Variants in ENPEP observed in about 807,000 individuals in gnomAD.
ENPEP encodes the protein glutamyl aminopeptidase.
In ENPEP, 103 loss-of-function variants were observed where a neutral mutation model predicts 114.5. That is an observed-to-expected ratio of 0.90 (90% confidence interval 0.77 to 1.06). The LOEUF is 1.06. ENPEP is among the 50% of genes least tolerant of loss of function. The probability of loss-of-function intolerance (pLI) is 0.00; values close to 1 mark genes in which losing one functional copy is unlikely to be tolerated. For missense variants in ENPEP, 1,196 were observed against 1,161.3 expected (o/e 1.03, Z -0.43); for synonymous variants, 420 against 422.0 (o/e 1.00, Z 0.06).
intron 3 of ENPEP, among the ~76,000 whole-genome samples, chr4:110,499,664 A>T (rs1411853388): frequency 6.6e-6 from 1 of 152,220 alleles, no homozygotes; most frequent in Non-Finnish European, 1.5e-5. Context: ...ATACTTCTGC[A>T]GCAATTTTTT....
chr4:110,517,082 T>C (rs1374972905), intron 8 of ENPEP, among the ~76,000 whole-genome samples: 1 of 152,108 alleles, frequency 6.6e-6, no homozygotes, highest in East Asian at 1.9e-4. Flanking sequence ...TAGCTGGAAT[T>C]ACAGGCACCA....
intron 12 of ENPEP, 30 bp from the exon 13 acceptor site, chr4:110,542,985 G>A: frequency 6.2e-7 from 1 of 1,612,086 alleles, no homozygotes. Flanking sequence ...TAAGAATTGT[G>A]TTTTTATCTC....
At chr4:110,539,685 C>T (rs753274318) in intron 11 of ENPEP, among the ~76,000 whole-genome samples, 15 of 152,008 alleles carry the variant, frequency 9.9e-5, no homozygotes, top group Non-Finnish European at 1.6e-4. Flanking sequence ...TCACCGTGCC[C>T]GGCCTCAGCT....
Position 110,542,758 on chromosome 4 carries a change from T to C in ENPEP, c.1815T>C (p.Thr605=). ...GTTTATTTACTACTACAGGAATCAC[T>C]TTGAACTCCTCTAATCCTAGTGGAA... ...LFNRSEKEGI[T]LNSSNPSGNA... is the part of the protein sequence containing the mutation. Residue 605 remains threonine (T), a synonymous_variant, in exon 12 of 20, where the codon ACT becomes ACC. Transcript: ENST00000265162. 1 of 1,612,040 alleles carries C rather than the reference T, an allele frequency of 6.2e-7. No homozygotes were observed. The highest frequency in any genetic ancestry group is 2.2e-5 in the East Asian group (1 of 44,836).
intron 18 of ENPEP, among the ~76,000 whole-genome samples, chr4:110,556,997 T>C (rs1054276233): frequency 2.6e-5 from 4 of 152,190 alleles, no homozygotes; most frequent in African/African-American, 9.7e-5. Flanking sequence ...ATGTATACTT[T>C]ATTATACGTA....
At position 110,564,960 on chromosome 4, in the gene ENPEP, A is replaced by G. The variant is rs1415308376; in HGVS notation, c.*3402A>G. Reference sequence around the variant, plus strand: ...CAGCACAGAGTACACATGTGCTGTAAATGAGAAATACCCCTTTGTTATTGT... The same window carrying G: ...CAGCACAGAGTACACATGTGCTGTAGATGAGAAATACCCCTTTGTTATTGT... On this transcript the variant is annotated 3_prime_UTR_variant, in exon 20 of 20. Transcript: ENST00000265162. 6.6e-6 allele frequency: 1 copy of G among 152,228 alleles called. No individual in the cohort carries two copies. Among genetic ancestry groups the G allele is most frequent in the Non-Finnish European group, 1.5e-5 (1 of 68,050 alleles). The allele number at this position is 152,228 out of a possible 1,614,324, so 9.4% of individuals were successfully genotyped here.
chr4:110,484,858 G>A (rs1298741430), intron 1 of ENPEP, among the ~76,000 whole-genome samples: 2 of 151,290 alleles, frequency 1.3e-5, no homozygotes, highest in African/African-American at 2.4e-5. Context: ...GCTTAGGAAA[G>A]TGTAATTCCA....
rs1263451725 is a variant in ENPEP, at chr4:110,509,771, G to T, written c.1158G>T (p.Arg386Ser). The change falls in exon 5 of 20, where the codon AGG (arginine) becomes AGT (serine). Residue 386 changes from arginine to serine, a missense_variant. Coordinates refer to ENST00000265162, the MANE Select transcript of ENPEP (RefSeq NM_001977.4). ...PKESASSNQQ[R>S]VATVVAHELV... ...AATCAGCCTCATCAAACCAACAGAG[G>T]GTGGCCACTGTGGTTGCCCATGAAC... 6.2e-7 allele frequency: 1 copy of T among 1,614,018 alleles called. No individual in the cohort carries two copies. Among genetic ancestry groups the T allele is most frequent in the Admixed American group, 1.7e-5 (1 of 59,976 alleles).
chr4:110,529,790 G>A (rs115214049), intron 10 of ENPEP, among the ~76,000 whole-genome samples: 1 of 152,110 alleles, frequency 6.6e-6, no homozygotes, highest in South Asian at 2.1e-4. Flanking sequence ...AATGACAAAG[G>A]GGGCCGGGCA....
At chr4:110,543,929 G>A (rs1726949409) in intron 13 of ENPEP, among the ~76,000 whole-genome samples, 1 of 151,956 alleles carries the variant, frequency 6.6e-6, no homozygotes, top group Non-Finnish European at 1.5e-5. Context: ...CCATCAAACT[G>A]AAGGTTCATG....
At chr4:110,535,554 A>G (rs1178813806) in intron 11 of ENPEP, among the ~76,000 whole-genome samples, 1 of 152,200 alleles carries the variant, frequency 6.6e-6, no homozygotes, top group Non-Finnish European at 1.5e-5. Flanking sequence ...TGGAAGATCT[A>G]CTTATCTAAA....
intron 8 of ENPEP, among the ~76,000 whole-genome samples, chr4:110,516,492 A>C (rs909155432): frequency 4.6e-5 from 7 of 152,186 alleles, no homozygotes; most frequent in Admixed American, 3.3e-4. Context: ...TAACCCAGGT[A>C]GTCAGGAGTA....
rs1479048479 is a variant in ENPEP at position 110,509,890 on chromosome 4, G to A, written c.1194+83G>A. 3.4e-6 allele frequency: 5 copies of A among 1,486,308 alleles called. No homozygotes were observed. In the African/African-American group the frequency reaches 7.1e-5, roughly 21 times the overall value. 92.1% of individuals were successfully genotyped at this position (1,486,308 alleles called of 1,614,324 possible). A position where few individuals can be genotyped will look rare whatever the true frequency, so the allele number is the denominator to read the frequency against. On this transcript the variant is annotated intron_variant, in intron 5 of 19. Transcript: ENST00000265162. ...AATAATTCAAATTATTTATGACTTAGCAAATAAAAAATAGCCAACTCAGAA... is the reference window on the plus strand; with the variant it reads ...AATAATTCAAATTATTTATGACTTAACAAATAAAAAATAGCCAACTCAGAA...
At chr4:110,559,403 A>G (rs1035854447) in intron 18 of ENPEP, among the ~76,000 whole-genome samples, 1 of 151,978 alleles carries the variant, frequency 6.6e-6, no homozygotes, top group Admixed American at 6.6e-5. Context: ...TTTGGGGACT[A>G]CAACAAGCAG....
intron 8 of ENPEP, 23 bp downstream of exon 8, chr4:110,515,465 A>G (rs763710383): frequency 6.4e-7 from 1 of 1,551,062 alleles, no homozygotes; most frequent in Middle Eastern, 1.8e-4. Context: ...ACTTTTAGTG[A>G]TATCAAAATT....
Position 110,488,611 on chromosome 4 carries a change from A to T in ENPEP, c.715A>T (p.Lys239Ter), listed in dbSNP as rs775917630. 3.1e-6 allele frequency: 5 copies of T among 1,614,046 alleles called. No individual in the cohort carries two copies. Among genetic ancestry groups the T allele is most frequent in the Non-Finnish European group, 4.2e-6 (5 of 1,179,972 alleles). ...TTTTCCTTGTTTTGATGAGCCCAAC[A>T]AAAAGGCAACTTATACAATATCTAT... ...KSFPCFDEPN[K>*]KATYTISITH... Residue 239 changes from lysine to a stop codon, truncating the protein, a stop_gained, in exon 2 of 20, where the codon AAA becomes TAA. Coordinates refer to ENST00000265162, the MANE Select transcript of ENPEP (RefSeq NM_001977.4). LOFTEE classifies it high-confidence loss of function.
chr4:110,545,668 T>G (rs1727027143), intron 13 of ENPEP, among the ~76,000 whole-genome samples: 1 of 152,026 alleles, frequency 6.6e-6, no homozygotes, highest in Non-Finnish European at 1.5e-5. Context: ...TGAACTTTGT[T>G]GATGTTTAAT....
intron 2 of ENPEP, among the ~76,000 whole-genome samples, chr4:110,489,053 G>A (rs1724605207): frequency 6.6e-6 from 1 of 152,078 alleles, no homozygotes; most frequent in Non-Finnish European, 1.5e-5. Flanking sequence ...GTTTTCAGGT[G>A]AATATAAATC....
chr4:110,538,006 G>T (rs1229688868), intron 11 of ENPEP, among the ~76,000 whole-genome samples: 1 of 152,146 alleles, frequency 6.6e-6, no homozygotes, highest in Non-Finnish European at 1.5e-5. Flanking sequence ...CGTCACCCAG[G>T]CTTTGTTGTT....
Sources: allele counts gnomAD v4.1 joint callset (sites outside exome capture counted in the v4.1 genomes callset), GRCh38; gene constraint gnomAD v4.1.1; transcripts MANE v1.5; gene names NCBI Gene and HGNC (gene_info 2026-07-23, HGNC 2026-07-21).